The following AUTS2 variants were observed in gnomAD, a reference collection of about 807,000 sequenced individuals.
AUTS2 encodes the protein autism susceptibility gene 2 protein.
In AUTS2, 17 loss-of-function variants were observed where a neutral mutation model predicts 112.4. That is an observed-to-expected ratio of 0.15 (90% CI 0.10 to 0.23). The LOEUF is 0.23. Among genes scored for constraint, AUTS2 ranks in the 10% least tolerant of loss-of-function variants. The pLI, the probability that AUTS2 is intolerant of heterozygous loss-of-function variation, is 1.00. For synonymous variants in AUTS2, 751 were observed against 702.7 expected, an observed-to-expected ratio of 1.07 and a Z score of -1.09; for missense variants, 1,510 against 1,701.6, an observed-to-expected ratio of 0.89 and a Z score of 1.98.
intron 5 of AUTS2, among the ~76,000 whole-genome samples, chr7:70,518,472 G>A (rs1353768192): frequency 2.0e-5 from 3 of 152,028 alleles, no homozygotes; most frequent in Non-Finnish European, 4.4e-5. Flanking sequence ...CACGAGGTCA[G>A]GAGATCAAGA....
chr7:69,876,015 T>G (rs1487362825), intron 1 of AUTS2, among the ~76,000 whole-genome samples: 1 of 152,070 alleles, frequency 6.6e-6, no homozygotes, highest in African/African-American at 2.4e-5. Context: ...AGAATTCATT[T>G]GATAGTACAA....
chr7:70,650,146 A>T (rs1166139261), intron 5 of AUTS2, among the ~76,000 whole-genome samples: 1 of 152,206 alleles, frequency 6.6e-6, no homozygotes, highest in Non-Finnish European at 1.5e-5. Context: ...CACAGACAGG[A>T]AGGAAAGGTG....
intron 2 of AUTS2, among the ~76,000 whole-genome samples, chr7:69,926,936 TTATA>T (rs1007709905): frequency 1.4e-5 from 2 of 146,586 alleles, no homozygotes; most frequent in African/African-American, 2.5e-5. Context: ...TATCATATCT[TTATA>T]TATATAAAGA....
chr7:70,169,567 C>G (rs1254839552), intron 4 of AUTS2, among the ~76,000 whole-genome samples: 1 of 152,074 alleles, frequency 6.6e-6, no homozygotes, highest in Admixed American at 6.5e-5. Context: ...CAATTGTGAC[C>G]ATGATATTAG....
intron 1 of AUTS2, among the ~76,000 whole-genome samples, chr7:69,639,660 C>CT (rs1794712160): frequency 6.6e-6 from 1 of 152,222 alleles, no homozygotes; most frequent in African/African-American, 2.4e-5. Context: ...CCAAGGGCAC[C>CT]TAAAGGCTTC....
At chr7:70,011,675 G>A (rs764329126) in intron 2 of AUTS2, among the ~76,000 whole-genome samples, 4 of 152,106 alleles carry the variant, frequency 2.6e-5, no homozygotes, top group African/African-American at 4.8e-5. Flanking sequence ...ACTGGTGGCC[G>A]GAACAAGCAG....
At position 70,605,716 on chromosome 7, in the gene AUTS2, G is replaced by A. The variant is rs73706197; in HGVS notation, c.691-92853G>A. Among the ~76,000 whole-genome samples the A allele has an allele frequency of 6.5e-3, 982 of 151,928 alleles. 10 individuals are homozygous for A. The highest frequency in any genetic ancestry group is 0.022 in the African/African-American group (899 of 41,450). On this transcript the variant is annotated intron_variant, in intron 5 of 18. Coordinates refer to ENST00000342771, the MANE Select transcript of AUTS2 (RefSeq NM_015570.4). ...TGTTGAAGTCAAAATACAACATAGC[G>A]ATGAATTTCTCAATTAAACATTGTA...
At chr7:70,669,552 A>T (rs1807529057) in intron 5 of AUTS2, among the ~76,000 whole-genome samples, 1 of 152,166 alleles carries the variant, frequency 6.6e-6, no homozygotes, top group African/African-American at 2.4e-5. Context: ...GCTCAGAGAG[A>T]TTGAAATGAC....
At chr7:69,986,399 A>G (rs1214705710) in intron 2 of AUTS2, among the ~76,000 whole-genome samples, 1 of 152,232 alleles carries the variant, frequency 6.6e-6, no homozygotes, top group Non-Finnish European at 1.5e-5. Flanking sequence ...TCTGCAAACA[A>G]TGTTTTCCAT....
In AUTS2 at chr7:69,627,034, C is replaced by T. The variant is rs149120367; in HGVS notation, c.309+27072C>T. Among the ~76,000 whole-genome samples the T allele has an allele frequency of 2.9e-3, 439 of 152,306 alleles. 2 individuals carry two copies. The highest frequency in any genetic ancestry group is 9.8e-3 in the African/African-American group (407 of 41,562). ...GTATAAGAAATAGAAATAAAACAGT[C>T]TTCTTGAATGATAAGATGCCTAATG... is the stretch of plus-strand genomic sequence containing the variant. On this transcript the variant is annotated intron_variant, in intron 1 of 18. Coordinates refer to ENST00000342771, the MANE Select transcript of AUTS2 (RefSeq NM_015570.4).
At chr7:70,045,043 T>C (rs1801439081) in intron 2 of AUTS2, among the ~76,000 whole-genome samples, 1 of 152,082 alleles carries the variant, frequency 6.6e-6, no homozygotes, top group African/African-American at 2.4e-5. Flanking sequence ...CTATTCTGCT[T>C]GGACACGCTA....
chr7:70,589,535 G>A (rs558296304), intron 5 of AUTS2, among the ~76,000 whole-genome samples: 5 of 152,248 alleles, frequency 3.3e-5, no homozygotes, highest in South Asian at 2.1e-4. Context: ...CCAACATGGC[G>A]AAACCCCATC....
At chr7:70,276,681 A>G (rs967599764) in intron 4 of AUTS2, among the ~76,000 whole-genome samples, 1 of 152,046 alleles carries the variant, frequency 6.6e-6, no homozygotes, top group Non-Finnish European at 1.5e-5. Flanking sequence ...GCCTGGCCCA[A>G]TTTTGTGACC....
intron 4 of AUTS2, among the ~76,000 whole-genome samples, chr7:70,387,986 C>G (rs1239050767): frequency 6.6e-6 from 1 of 152,178 alleles, no homozygotes; most frequent in African/African-American, 2.4e-5. Flanking sequence ...ACAAGGCCTT[C>G]TATATTATTT....
rs1470535420 is a variant in AUTS2, at chr7:69,882,182, A to AAGTG, written c.310-17102_310-17099dup. 6.2e-4 allele frequency among the ~76,000 whole-genome samples: 92 copies of AAGTG among 147,978 alleles called. 1 individual carries two copies. The highest frequency in any genetic ancestry group is 6.8e-3 in the Middle Eastern group (2 of 292). On this transcript the variant is annotated intron_variant, in intron 1 of 18. Coordinates refer to ENST00000342771, the MANE Select transcript of AUTS2 (RefSeq NM_015570.4). ...AAAAAAAAAAAAAAAAAAAAAGACCAAGTGATAGGCTGGGCGTGCTGGCTC... is the reference window on the plus strand; with the variant it reads ...AAAAAAAAAAAAAAAAAAAAAGACCAAGTGAGTGATAGGCTGGGCGTGCTGGCTC...
chr7:69,676,206 A>G (rs1359608081), intron 1 of AUTS2, among the ~76,000 whole-genome samples: 2 of 152,234 alleles, frequency 1.3e-5, no homozygotes, highest in Admixed American at 6.5e-5. Flanking sequence ...ACAGAATATT[A>G]GAAGGGAGAT....
chr7:70,007,295 A>G (rs1368287232), intron 2 of AUTS2, among the ~76,000 whole-genome samples: 1 of 152,222 alleles, frequency 6.6e-6, no homozygotes, highest in Non-Finnish European at 1.5e-5. Flanking sequence ...TAAGTATAAA[A>G]GTAACATACT....
At chr7:69,647,701 C>T (rs527275268) in intron 1 of AUTS2, among the ~76,000 whole-genome samples, 1 of 152,306 alleles carries the variant, frequency 6.6e-6, no homozygotes, top group African/African-American at 2.4e-5. Flanking sequence ...GTTTCCAAGG[C>T]TGCCATAACA....
intron 5 of AUTS2, among the ~76,000 whole-genome samples, chr7:70,519,577 A>G (rs1473275724): frequency 6.6e-6 from 1 of 152,230 alleles, no homozygotes; most frequent in Non-Finnish European, 1.5e-5. Flanking sequence ...TAACTTTGAG[A>G]TAAGTCTGAG....
Sources: allele counts gnomAD v4.1 joint callset (sites outside exome capture counted in the v4.1 genomes callset), GRCh38; gene constraint gnomAD v4.1.1; transcripts MANE v1.5; gene names NCBI Gene and HGNC (gene_info 2026-07-23, HGNC 2026-07-21).